The following ANKIB1 variants were observed in gnomAD, a reference collection of about 807,000 sequenced individuals.
ANKIB1 encodes ankyrin repeat and IBR domain containing 1.
ANKIB1 carries 43 observed loss-of-function variants against 122.1 expected under a neutral mutation model. The ratio of observed to expected loss-of-function variants is 0.35; its 90% CI spans 0.28 to 0.45. ANKIB1 has a LOEUF of 0.45. Ranked by LOEUF, ANKIB1 falls within the 20% of genes least tolerant of loss-of-function variation. The pLI, the probability that ANKIB1 is intolerant of heterozygous loss-of-function variation, is 1.00. For missense variants in ANKIB1, 992 were observed against 1,329.5 expected (o/e 0.75, Z 3.95); for synonymous variants, 390 against 442.0 (o/e 0.88, Z 1.48).
chr7:92,272,705 T>G (rs1327216952), intron 1 of ANKIB1, among the ~76,000 whole-genome samples: 1 of 152,146 alleles, frequency 6.6e-6, no homozygotes, highest in Admixed American at 6.5e-5. Flanking sequence ...TAATGATGAA[T>G]CTGATGGAAC....
chr7:92,387,721 T>A, intron 12 of ANKIB1, 77 bp from the exon 13 acceptor site: 1 of 1,104,244 alleles, frequency 9.1e-7, no homozygotes, highest in Middle Eastern at 2.7e-4. Context: ...AATAAAACTT[T>A]TAAATGATTC....
chr7:92,333,323 G>A lies in ANKIB1; in HGVS notation c.787+5423G>A, dbSNP rs1803213953. Reference sequence around the variant, plus strand: ...TTTCTCTAGCCTTATCTCATACAGTGCTTCCCCTCTAGTCCCATGCTATAG... The same window carrying A: ...TTTCTCTAGCCTTATCTCATACAGTACTTCCCCTCTAGTCCCATGCTATAG... On this transcript the variant is annotated intron_variant, in intron 5 of 19. Coordinates refer to ENST00000265742, the MANE Select transcript of ANKIB1 (RefSeq NM_019004.2). Among the ~76,000 whole-genome samples the A allele has an allele frequency of 2.6e-5, 4 of 152,212 alleles. No homozygotes were observed. The South Asian group carries it at 8.3e-4, about 32-fold the overall frequency.
intron 18 of ANKIB1, among the ~76,000 whole-genome samples, 166 bp from the exon 19 acceptor site, chr7:92,397,557 G>A (rs1341902487): frequency 6.6e-6 from 1 of 151,594 alleles, no homozygotes; most frequent in African/African-American, 2.4e-5. Context: ...TTCATGGTAA[G>A]ACAAATATGG....
At chr7:92,257,493 A>G (rs1334508318) in intron 1 of ANKIB1, among the ~76,000 whole-genome samples, 1 of 152,212 alleles carries the variant, frequency 6.6e-6, no homozygotes, top group Non-Finnish European at 1.5e-5. Flanking sequence ...AAGCAATTAT[A>G]AAAATAAAGA....
chr7:92,325,830 A>G, intron 4 of ANKIB1: 1 of 314,794 alleles, frequency 3.2e-6, no homozygotes. Flanking sequence ...ACAATCTTTC[A>G]ATGGTCTTTT....
At chr7:92,386,108 G>A (rs1192615147) in intron 11 of ANKIB1, among the ~76,000 whole-genome samples, 4 of 152,124 alleles carry the variant, frequency 2.6e-5, no homozygotes, top group East Asian at 1.9e-4. Flanking sequence ...TCTTTTAAGC[G>A]TAGTTCTAGT....
chr7:92,301,656 T>A (rs2131928030), intron 2 of ANKIB1, among the ~76,000 whole-genome samples: 1 of 152,326 alleles, frequency 6.6e-6, no homozygotes, highest in Non-Finnish European at 1.5e-5. Context: ...TTTGCCAGAT[T>A]ATTATTTTAA....
chr7:92,311,127 C>T (rs1802683572), intron 3 of ANKIB1, among the ~76,000 whole-genome samples: 1 of 152,108 alleles, frequency 6.6e-6, no homozygotes, highest in Non-Finnish European at 1.5e-5. Context: ...TAATAACTAA[C>T]ATTTGTATAA....
intron 7 of ANKIB1, among the ~76,000 whole-genome samples, chr7:92,345,740 C>T (rs929740345): frequency 1.3e-4 from 19 of 151,972 alleles, no homozygotes; most frequent in Admixed American, 1.0e-3. Flanking sequence ...TGTTTGATGA[C>T]CTAAGTGAGA....
At chr7:92,325,128 G>A (rs893970811) in intron 4 of ANKIB1, among the ~76,000 whole-genome samples, 5 of 152,228 alleles carry the variant, frequency 3.3e-5, no homozygotes, top group African/African-American at 9.6e-5. Flanking sequence ...GTCAGATTCT[G>A]TAGGAGCAGG....
At chr7:92,268,430 G>A (rs1053293485) in intron 1 of ANKIB1, among the ~76,000 whole-genome samples, 6 of 152,162 alleles carry the variant, frequency 3.9e-5, no homozygotes, top group Admixed American at 3.9e-4. Context: ...AAAAACTGAA[G>A]CGATCATGTT....
At chr7:92,283,884 C>T (rs957592636) in intron 1 of ANKIB1, among the ~76,000 whole-genome samples, 2 of 152,140 alleles carry the variant, frequency 1.3e-5, no homozygotes, top group Admixed American at 6.5e-5. Flanking sequence ...CATCCTCCTG[C>T]CTCTGCTTCC....
At chr7:92,253,584 G>A (rs1158611245) in intron 1 of ANKIB1, among the ~76,000 whole-genome samples, 1 of 152,054 alleles carries the variant, frequency 6.6e-6, no homozygotes, top group African/African-American at 2.4e-5. Context: ...TCTATTTCAA[G>A]AATTTACAAA....
intron 5 of ANKIB1, among the ~76,000 whole-genome samples, chr7:92,334,608 A>G (rs1445299943): frequency 6.6e-6 from 1 of 152,034 alleles, no homozygotes; most frequent in East Asian, 1.9e-4. Context: ...GTCATTTTCA[A>G]ACTAAAAATG....
At chr7:92,271,094 T>C (rs1479540320) in intron 1 of ANKIB1, among the ~76,000 whole-genome samples, 1 of 152,204 alleles carries the variant, frequency 6.6e-6, no homozygotes, top group Admixed American at 6.5e-5. Flanking sequence ...TTTTAAGTCT[T>C]GCTTTTCAAT....
At chr7:92,321,966 CCA>C (rs1269727703) in intron 4 of ANKIB1, among the ~76,000 whole-genome samples, 1 of 152,122 alleles carries the variant, frequency 6.6e-6, no homozygotes, top group Non-Finnish European at 1.5e-5. Context: ...GCTCTCCTCC[CCA>C]CCTTTTTTTA....
At chr7:92,349,385 T>G (rs1243419272) in intron 7 of ANKIB1, among the ~76,000 whole-genome samples, 1 of 152,142 alleles carries the variant, frequency 6.6e-6, no homozygotes, top group Non-Finnish European at 1.5e-5. Flanking sequence ...AAAGAGAAGA[T>G]GGAGCAAAGG....
intron 3 of ANKIB1, among the ~76,000 whole-genome samples, chr7:92,313,188 G>A (rs964143629): frequency 1.3e-5 from 2 of 152,104 alleles, no homozygotes; most frequent in African/African-American, 2.4e-5. Context: ...CTTATTCAGA[G>A]TTTTAAGTGT....
rs1804254586 is a variant in ANKIB1, at chr7:92,371,514, T to C, written c.1524T>C (p.Asn508=). 1 of 1,606,998 alleles carries C rather than the reference T, an allele frequency of 6.2e-7. No individual in the cohort carries two copies. Among genetic ancestry groups the C allele is most frequent in the African/African-American group, 1.3e-5 (1 of 74,858 alleles). ...GTGAAGCCTACGAGGATGCCGCCAA[T>C]TGTCTCTGGTTATTAACTAACTCCA... The part of the protein sequence containing the change: ...GVSEAYEDAA[N]CLWLLTNSKP... Residue 508 remains asparagine (N), a synonymous_variant, in exon 11 of 20, where the codon AAT becomes AAC. Coordinates refer to ENST00000265742, the MANE Select transcript of ANKIB1 (RefSeq NM_019004.2).
Sources: allele counts gnomAD v4.1 joint callset (sites outside exome capture counted in the v4.1 genomes callset), GRCh38; gene constraint gnomAD v4.1.1; transcripts MANE v1.5; gene names NCBI Gene and HGNC (gene_info 2026-07-23, HGNC 2026-07-21).